Variants in TNR observed in about 807,000 individuals in gnomAD.
TNR encodes tenascin R.
In TNR, 45 loss-of-function variants were observed where a neutral mutation model predicts 150.4. The observed-to-expected ratio is 0.30, with a 90% confidence interval of 0.24 to 0.38. The LOEUF is 0.38. Among genes scored for constraint, TNR ranks in the 10% least tolerant of loss-of-function variants. The probability of loss-of-function intolerance (pLI) is 1.00; values close to 1 mark genes in which losing one functional copy is unlikely to be tolerated. For synonymous variants in TNR, 687 were observed against 678.4 expected (o/e 1.01, Z -0.20); for missense variants, 1,544 against 1,759.1 (o/e 0.88, Z 2.19).
At chr1:175,574,171 C>T (rs1345837057) in intron 1 of TNR, among the ~76,000 whole-genome samples, 1 of 152,146 alleles carries the variant, frequency 6.6e-6, no homozygotes, top group African/African-American at 2.4e-5. Flanking sequence ...TAACCTGTGA[C>T]CATGACAAGG....
At chr1:175,632,471 G>C (rs1664354665) in intron 1 of TNR, among the ~76,000 whole-genome samples, 1 of 152,184 alleles carries the variant, frequency 6.6e-6, no homozygotes, top group Non-Finnish European at 1.5e-5. Flanking sequence ...TTAGAAAATA[G>C]AGTCTATATG....
chr1:175,404,488 G>A (rs142291577), intron 3 of TNR, among the ~76,000 whole-genome samples: 2 of 152,280 alleles, frequency 1.3e-5, no homozygotes, highest in African/African-American at 4.8e-5. Context: ...TAATTTATCT[G>A]CCTAGCATGA....
At chr1:175,409,401 G>C (rs560356691) in intron 2 of TNR, among the ~76,000 whole-genome samples, 50 of 152,232 alleles carry the variant, frequency 3.3e-4, no homozygotes, top group South Asian at 1.2e-3. Context: ...GAAATTAAGA[G>C]AGAAAAATGT....
chr1:175,709,650 A>C (rs1028507500), intron 1 of TNR, among the ~76,000 whole-genome samples: 1 of 152,236 alleles, frequency 6.6e-6, no homozygotes, highest in South Asian at 2.1e-4. Context: ...TTAAGGCCTC[A>C]CATGCTCAGT....
intron 2 of TNR, among the ~76,000 whole-genome samples, chr1:175,407,228 A>T (rs1354209406): frequency 2.0e-5 from 3 of 152,160 alleles, no homozygotes; most frequent in Non-Finnish European, 2.9e-5. Flanking sequence ...ACTTCAAAAT[A>T]ACTTCATGAG....
intron 1 of TNR, among the ~76,000 whole-genome samples, chr1:175,741,303 T>C (rs1405108655): frequency 6.6e-6 from 1 of 152,226 alleles, no homozygotes; most frequent in Non-Finnish European, 1.5e-5. Context: ...ATTTATAAAA[T>C]GGGTCCAATA....
chr1:175,453,999 C>T (rs1414301278), intron 2 of TNR, among the ~76,000 whole-genome samples: 1 of 152,180 alleles, frequency 6.6e-6, no homozygotes, highest in African/African-American at 2.4e-5. Flanking sequence ...TGGGGCCCTG[C>T]TGTCCTCACA....
At chr1:175,708,474 A>C (rs906252945) in intron 1 of TNR, among the ~76,000 whole-genome samples, 1 of 152,232 alleles carries the variant, frequency 6.6e-6, no homozygotes, top group African/African-American at 2.4e-5. Context: ...TGTACCATGC[A>C]AGAGTATATC....
chr1:175,479,316 G>A (rs1657676912), intron 2 of TNR, among the ~76,000 whole-genome samples: 1 of 152,180 alleles, frequency 6.6e-6, no homozygotes, highest in Admixed American at 6.5e-5. Context: ...CATTGGGTTA[G>A]AATACATTCA....
intron 1 of TNR, among the ~76,000 whole-genome samples, chr1:175,729,454 GGGTCTTGCTCTGTCTCCAC>G (rs1667572061): frequency 6.6e-6 from 1 of 151,944 alleles, no homozygotes; most frequent in African/African-American, 2.4e-5. Flanking sequence ...TTTCAAGACA[GGGTCTTGCTCTGTCTCCAC>G]GCCAGAGTGC....
At chr1:175,401,221 T>A (rs1361182718) in intron 4 of TNR, among the ~76,000 whole-genome samples, 1 of 152,148 alleles carries the variant, frequency 6.6e-6, no homozygotes, top group Non-Finnish European at 1.5e-5. Context: ...AATGAACCTA[T>A]CCCTGTAGAA....
At chr1:175,514,367 C>T (rs1011078442) in intron 2 of TNR, among the ~76,000 whole-genome samples, 5 of 152,200 alleles carry the variant, frequency 3.3e-5, no homozygotes, top group Non-Finnish European at 7.3e-5. Context: ...CCGAGAGCCT[C>T]CAGAAAGAAT....
chr1:175,718,507 G>A (rs193056828), intron 1 of TNR, among the ~76,000 whole-genome samples: 18 of 152,364 alleles, frequency 1.2e-4, no homozygotes, highest in Non-Finnish European at 2.5e-4. Flanking sequence ...GCAAGGAGCA[G>A]GAAAGTGAGG....
At chr1:175,488,702 G>A (rs1353666990) in intron 2 of TNR, among the ~76,000 whole-genome samples, 1 of 152,214 alleles carries the variant, frequency 6.6e-6, no homozygotes, top group African/African-American at 2.4e-5. Context: ...ATGGGCTAGT[G>A]CACATGTCAC....
intron 21 of TNR, 110 bp downstream of exon 21, chr1:175,329,964 T>C (rs1296717213): frequency 8.2e-7 from 1 of 1,213,374 alleles, no homozygotes; most frequent in Non-Finnish European, 1.1e-6. Flanking sequence ...CAGCAGCGAA[T>C]GCTGGAACTC....
At chr1:175,377,674 C>T (rs1412733821) in intron 9 of TNR, among the ~76,000 whole-genome samples, 1 of 152,076 alleles carries the variant, frequency 6.6e-6, no homozygotes, top group Non-Finnish European at 1.5e-5. Context: ...CTGTGTTTGG[C>T]AAGGTGGTCT....
intron 2 of TNR, among the ~76,000 whole-genome samples, chr1:175,437,095 C>T (rs1286908931): frequency 6.6e-6 from 1 of 152,230 alleles, no homozygotes; most frequent in African/African-American, 2.4e-5. Flanking sequence ...CACCACACCA[C>T]ACCAATTCCA....
rs1666652652 is a variant in TNR, at chr1:175,700,312, T to C, written c.-165+42914A>G. On this transcript the variant is annotated intron_variant, in intron 1 of 22. Coordinates refer to ENST00000367674, the MANE Select transcript of TNR (RefSeq NM_003285.3). Reference sequence around the variant, plus strand: ...CCAGAAGCTTGGCCCCATGGTCAATTATGCTGCCCATAATTAGAGTGATAT... The same window carrying C: ...CCAGAAGCTTGGCCCCATGGTCAATCATGCTGCCCATAATTAGAGTGATAT... Among the ~76,000 whole-genome samples, 3 of 152,146 alleles carry C rather than the reference T, an allele frequency of 2.0e-5. No homozygotes were observed. In the South Asian group the frequency reaches 6.2e-4, roughly 32 times the overall value.
At chr1:175,705,372 A>T (rs1487883621) in intron 1 of TNR, among the ~76,000 whole-genome samples, 1 of 152,240 alleles carries the variant, frequency 6.6e-6, no homozygotes, top group Admixed American at 6.5e-5. Flanking sequence ...GAAAGACATT[A>T]AAAAGCCACT....
Sources: gnomAD v4.1 joint callset for allele counts (sites outside exome capture counted in the v4.1 genomes callset) on GRCh38, gnomAD v4.1.1 for gene constraint, MANE v1.5 for transcripts, NCBI Gene and HGNC (gene_info 2026-07-23, HGNC 2026-07-21) for gene names.